Variants in NCOR1 observed in about 807,000 individuals in gnomAD.
NCOR1 encodes protein phosphatase 1, regulatory subunit 109.
NCOR1 carries 63 observed loss-of-function variants against 288.1 expected under a neutral mutation model. The ratio of observed to expected loss-of-function variants is 0.22; its 90% confidence interval spans 0.18 to 0.27. The LOEUF (loss-of-function observed/expected upper bound fraction) is 0.27, where lower values mean the gene tolerates loss of function less well. NCOR1 is among the 10% of genes least tolerant of loss of function. NCOR1 has a pLI of 1.00. For synonymous variants in NCOR1, 1,007 were observed against 1,065.9 expected (o/e 0.94, Z 1.08); for missense variants, 2,397 against 3,019.2 (o/e 0.79, Z 4.83).
Position 16,149,528 on chromosome 17 carries a change from A to G in NCOR1, c.843-11T>C. ...CTCATCACCTGGTTTCTAGAAGAGA[A>G]AAATATGGTTGCATGACATTAAGAA... On this transcript the variant is annotated splice_polypyrimidine_tract_variant and intron_variant, in intron 8 of 45. Transcript: ENST00000268712. 7.2e-7 allele frequency: 1 copy of G among 1,396,300 alleles called. No individual in the cohort carries two copies. The highest frequency in any genetic ancestry group is 9.9e-7 in the Non-Finnish European group (1 of 1,011,714). 86.5% of individuals were successfully genotyped at this position (1,396,300 alleles called of 1,614,324 possible).
chr17:16,093,967 G>A (rs1284732861), intron 21 of NCOR1, among the ~76,000 whole-genome samples: 2 of 151,824 alleles, frequency 1.3e-5, no homozygotes, highest in Admixed American at 6.6e-5. Context: ...GAGTGCAGTG[G>A]TGCCATCTCA....
At chr17:16,196,585 G>A (rs1251643366) in intron 1 of NCOR1, among the ~76,000 whole-genome samples, 1 of 152,140 alleles carries the variant, frequency 6.6e-6, no homozygotes, top group South Asian at 2.1e-4. Flanking sequence ...CAGCACTTTG[G>A]GAGGCCAAGG....
At chr17:16,143,811 G>T in intron 10 of NCOR1, 115 bp from the exon 11 acceptor site, 1 of 710,922 alleles carries the variant, frequency 1.4e-6, no homozygotes, top group Non-Finnish European at 2.3e-6. Flanking sequence ...GTTAAGAGAA[G>T]AAACATAAAA....
At chr17:16,050,286 G>A (rs796701243) in intron 40 of NCOR1, among the ~76,000 whole-genome samples, 6 of 150,758 alleles carry the variant, frequency 4.0e-5, no homozygotes, top group African/African-American at 1.5e-4. Flanking sequence ...GCAGTAGCAC[G>A]ATCTTGGCTC....
chr17:16,193,496 A>G (rs376295870), intron 2 of NCOR1, among the ~76,000 whole-genome samples: 3 of 152,008 alleles, frequency 2.0e-5, no homozygotes, highest in South Asian at 2.1e-4. Context: ...GCCTCCCAAA[A>G]TGCTGGGATT....
At chr17:16,142,163 G>A (rs937560231) in intron 11 of NCOR1, among the ~76,000 whole-genome samples, 1 of 152,132 alleles carries the variant, frequency 6.6e-6, no homozygotes, top group African/African-American at 2.4e-5. Flanking sequence ...GTAGTAAAGG[G>A]TAGAGCAGAG....
intron 17 of NCOR1, among the ~76,000 whole-genome samples, chr17:16,118,623 T>C (rs2072274646): frequency 1.3e-5 from 2 of 152,192 alleles, no homozygotes; most frequent in African/African-American, 4.8e-5. Flanking sequence ...GTGCAAAGAA[T>C]ATGTATCTAT....
At chr17:16,098,604 G>T in intron 20 of NCOR1, 108 bp from the exon 21 acceptor site, 4 of 847,196 alleles carry the variant, frequency 4.7e-6, no homozygotes, top group Non-Finnish European at 3.6e-6. Context: ...TGCACACATG[G>T]ACACATGGAC....
intron 21 of NCOR1, 36 bp from the exon 22 acceptor site, chr17:16,092,094 C>A (rs751755034): frequency 4.4e-6 from 7 of 1,602,134 alleles, no homozygotes; most frequent in Non-Finnish European, 5.1e-6. Context: ...ATGCAAACAA[C>A]CAATGTAATA....
chr17:16,135,158 CAA>C (rs577308243), intron 14 of NCOR1, among the ~76,000 whole-genome samples: 2 of 35,878 alleles, frequency 5.6e-5, no homozygotes, highest in African/African-American at 1.8e-4. Context: ...GACTCCATCT[CAA>C]AAAAAAAAAA....
At chr17:16,084,300 G>A (rs1209083513) in intron 23 of NCOR1, 8 of 152,234 alleles carry the variant, frequency 5.3e-5, no homozygotes, top group Non-Finnish European at 8.8e-5. Context: ...GTGATTGGTC[G>A]TGCGTAGCTG....
At chr17:16,207,297 C>T (rs535608424) in intron 1 of NCOR1, among the ~76,000 whole-genome samples, 1 of 152,068 alleles carries the variant, frequency 6.6e-6, no homozygotes, top group Non-Finnish European at 1.5e-5. Flanking sequence ...AATGAATTGC[C>T]TAAAACAAAT....
intron 21 of NCOR1, among the ~76,000 whole-genome samples, chr17:16,095,305 G>A (rs1307742186): frequency 6.7e-6 from 1 of 149,364 alleles, no homozygotes; most frequent in Non-Finnish European, 1.5e-5. Flanking sequence ...CCCCGTCTGA[G>A]AAGTGAGGAG....
intron 3 of NCOR1, 41 bp from the exon 4 acceptor site, chr17:16,172,036 G>C (rs780329397): frequency 4.8e-6 from 7 of 1,464,128 alleles, no homozygotes; most frequent in Non-Finnish European, 5.5e-6. Flanking sequence ...AAATTTGTAA[G>C]TGATGTACAA....
intron 1 of NCOR1, among the ~76,000 whole-genome samples, chr17:16,212,518 A>C (rs2092229823): frequency 6.6e-6 from 1 of 152,224 alleles, no homozygotes; most frequent in Non-Finnish European, 1.5e-5. Context: ...AGTAAAATCC[A>C]GTATCTTAAG....
At chr17:16,047,115 A>G in intron 41 of NCOR1, 22 bp from the exon 42 acceptor site, 3 of 1,602,276 alleles carry the variant, frequency 1.9e-6, no homozygotes, top group Non-Finnish European at 2.6e-6. Context: ...AAAGTTAAGT[A>G]TATTACAACC....
At chr17:16,179,268 T>A (rs2153494503) in intron 3 of NCOR1, among the ~76,000 whole-genome samples, 1 of 151,816 alleles carries the variant, frequency 6.6e-6, no homozygotes, top group Admixed American at 6.5e-5. Context: ...ATAAATAAAA[T>A]AAAAATGAAA....
At chr17:16,132,933 T>C (rs1466442536) in intron 14 of NCOR1, among the ~76,000 whole-genome samples, 3 of 151,370 alleles carry the variant, frequency 2.0e-5, no homozygotes, top group Non-Finnish European at 1.5e-5. Flanking sequence ...TCTTCTTCTT[T>C]TTTCCCTCCC....
rs775220743 is a variant in NCOR1, at chr17:16,039,507, G to A, written c.6881C>T (p.Pro2294Leu). The change falls in exon 44 of 46, where the codon CCT becomes CTT. Residue 2294 changes from proline (P) to leucine (L), a missense_variant. Physicochemically the swap from Pro to Leu is moderately conservative, Grantham distance 98. This residue lies in a region of NCOR1 where 1,872 missense variants were observed against 2,187.8 expected (regional missense o/e 0.86). Transcript: ENST00000268712. ...VVMSQPMGVV[P>L]GTANTSVVTS... ...CACAACTGAGGTGTTGGCAGTACCA[G>A]GCACTACTCCCATAGGCTGGGACAT... is the stretch of plus-strand genomic sequence containing the variant. 2.5e-6 allele frequency: 4 copies of A among 1,614,098 alleles called. No homozygotes were observed. In the Admixed American group the frequency reaches 6.7e-5, roughly 27 times the overall value.
Sources: allele counts gnomAD v4.1 joint callset (sites outside exome capture counted in the v4.1 genomes callset), GRCh38; gene constraint gnomAD v4.1.1; regional missense constraint gnomAD v4.1.1; transcripts MANE v1.5; gene names NCBI Gene and HGNC (gene_info 2026-07-23, HGNC 2026-07-21).